DLGAP1: variants seen among roughly 807,000 people sequenced by gnomAD.
DLGAP1 encodes DLG associated protein 1, also known as disks large-associated protein 1.
A neutral mutation model predicts 90.8 loss-of-function variants in DLGAP1; 11 were observed. The observed-to-expected ratio is 0.12, with a 90% confidence interval of 0.08 to 0.20. The LOEUF (loss-of-function observed/expected upper bound fraction) is 0.20, where lower values mean the gene tolerates loss of function less well. Ranked by LOEUF, DLGAP1 falls within the 10% of genes least tolerant of loss-of-function variation. DLGAP1 has a pLI of 1.00. For missense variants in DLGAP1, 1,050 were observed against 1,333.8 expected (o/e 0.79, Z 3.31); for synonymous variants, 558 against 540.7 (o/e 1.03, Z -0.44).
intron 3 of DLGAP1, chr18:3,894,871 T>C (rs1290009194): frequency 6.6e-6 from 1 of 152,252 alleles, no homozygotes; most frequent in Non-Finnish European, 1.5e-5. Flanking sequence ...ACTATTCAGA[T>C]GTTGGCCAGA....
At chr18:3,522,749 G>A (rs1411849438) in intron 10 of DLGAP1, among the ~76,000 whole-genome samples, 1 of 151,778 alleles carries the variant, frequency 6.6e-6, no homozygotes, top group Non-Finnish European at 1.5e-5. Flanking sequence ...CACCATGTTG[G>A]CCAGGTTGGT....
At chr18:4,250,466 C>CTAT (rs1353012787) in intron 1 of DLGAP1, among the ~76,000 whole-genome samples, 1 of 152,162 alleles carries the variant, frequency 6.6e-6, no homozygotes, top group East Asian at 1.9e-4. Context: ...TTGAAGATCA[C>CTAT]TATTAAAGAT....
At chr18:4,339,444 A>ATGTTTT (rs2081142924) in intron 1 of DLGAP1, among the ~76,000 whole-genome samples, 3 of 152,168 alleles carry the variant, frequency 2.0e-5, no homozygotes, top group Non-Finnish European at 4.4e-5. Context: ...TATGCAACAA[A>ATGTTTT]CCTGCACATC....
intron 5 of DLGAP1, among the ~76,000 whole-genome samples, chr18:3,761,490 C>T (rs1202896181): frequency 6.6e-6 from 1 of 152,142 alleles, no homozygotes; most frequent in Admixed American, 6.5e-5. Context: ...CATAGATGAA[C>T]ACTTGGGTTG....
At chr18:3,945,919 A>T (rs1320861195) in intron 3 of DLGAP1, among the ~76,000 whole-genome samples, 2 of 152,242 alleles carry the variant, frequency 1.3e-5, no homozygotes, top group East Asian at 3.8e-4. Flanking sequence ...CATAATTCAG[A>T]ATCTGTCGAT....
intron 2 of DLGAP1, among the ~76,000 whole-genome samples, chr18:4,055,696 A>G (rs8086332): frequency 1 from 152,212 of 152,268 alleles, 76,078 homozygotes; most frequent in Middle Eastern, 1. Context: ...TCTGTGGTGT[A>G]CCCTGGGAGC....
chr18:4,171,598 T>C (rs1298869652), intron 1 of DLGAP1, among the ~76,000 whole-genome samples: 2 of 151,692 alleles, frequency 1.3e-5, no homozygotes, highest in Non-Finnish European at 2.9e-5. Context: ...AAAGTATCTT[T>C]AGGAGGCGAA....
chr18:3,958,460 CAAA>C (rs71160925), intron 3 of DLGAP1, among the ~76,000 whole-genome samples: 16 of 97,162 alleles, frequency 1.6e-4, no homozygotes, highest in Non-Finnish European at 1.7e-4. Context: ...TTAGGATAAG[CAAA>C]AAAAAAAAAA....
At chr18:4,073,277 G>A (rs527831217) in intron 2 of DLGAP1, among the ~76,000 whole-genome samples, 11 of 152,124 alleles carry the variant, frequency 7.2e-5, no homozygotes, top group East Asian at 1.9e-4. Flanking sequence ...GCAGGGCTTC[G>A]TAAATCCCAG....
At chr18:3,655,808 C>T (rs1270116176) in intron 7 of DLGAP1, 1 of 396,530 alleles carries the variant, frequency 2.5e-6, no homozygotes. Flanking sequence ...AGAGCCCAGG[C>T]TCGCTGACGA....
chr18:3,626,042 TC>T (rs1337011186), intron 7 of DLGAP1, among the ~76,000 whole-genome samples: 1 of 152,184 alleles, frequency 6.6e-6, no homozygotes, highest in Non-Finnish European at 1.5e-5. Context: ...ACACCTGTAA[TC>T]CCAGCATTTT....
intron 7 of DLGAP1, among the ~76,000 whole-genome samples, chr18:3,670,500 T>A (rs547155490): frequency 8.6e-4 from 131 of 152,330 alleles, no homozygotes; most frequent in Non-Finnish European, 1.6e-3. Flanking sequence ...TTTTGGTAAT[T>A]GTCAGCTAAA....
At position 4,039,277 on chromosome 18, in the gene DLGAP1, T is replaced by C. The variant is rs573843329; in HGVS notation, c.-158-34076A>G. Among the ~76,000 whole-genome samples the C allele has an allele frequency of 3.9e-5, 6 of 152,320 alleles. No homozygotes were observed. The East Asian group carries it at 1.2e-3, about 29-fold the overall frequency. On this transcript the variant is annotated intron_variant, in intron 2 of 12. Coordinates refer to ENST00000315677, the MANE Select transcript of DLGAP1 (RefSeq NM_004746.4). ...CTCTGACCCAGGCCCCACTATCCTC[T>C]GTACAGCCTGACACAGAACCTTCCC...
chr18:3,688,366 C>T (rs996189259), intron 7 of DLGAP1, among the ~76,000 whole-genome samples: 3 of 151,800 alleles, frequency 2.0e-5, no homozygotes, highest in Non-Finnish European at 4.4e-5. Flanking sequence ...GAAATCCAGC[C>T]CTCTAAAGGG....
intron 1 of DLGAP1, among the ~76,000 whole-genome samples, chr18:4,363,563 AAAAC>A (rs1256310046): frequency 3.3e-5 from 5 of 152,338 alleles, no homozygotes; most frequent in East Asian, 3.9e-4. Flanking sequence ...TTACAAGAAA[AAAAC>A]AAACAACCCC....
chr18:3,704,462 C>T (rs945800340), intron 7 of DLGAP1, among the ~76,000 whole-genome samples: 2 of 151,746 alleles, frequency 1.3e-5, no homozygotes, highest in Admixed American at 6.6e-5. Flanking sequence ...CCCAGCTACT[C>T]GGGAGGCTGA....
intron 7 of DLGAP1, among the ~76,000 whole-genome samples, chr18:3,622,949 C>CA (rs1488223198): frequency 6.6e-6 from 1 of 152,204 alleles, no homozygotes; most frequent in East Asian, 1.9e-4. Context: ...GGACTACAGG[C>CA]ATGTGCCACC....
intron 7 of DLGAP1, among the ~76,000 whole-genome samples, chr18:3,658,577 T>TATAC (rs2059578891): frequency 6.6e-6 from 1 of 152,242 alleles, no homozygotes; most frequent in African/African-American, 2.4e-5. Context: ...AAAAATAAAC[T>TATAC]ATACATACAT....
At position 4,023,622 on chromosome 18, in the gene DLGAP1, G is replaced by A. The variant is rs968213782; in HGVS notation, c.-158-18421C>T. 6.6e-5 allele frequency among the ~76,000 whole-genome samples: 10 copies of A among 152,190 alleles called. No homozygotes were observed. The South Asian group carries it at 1.5e-3, about 22-fold the overall frequency. On this transcript the variant is annotated intron_variant, in intron 2 of 12. Transcript: ENST00000315677. Reference sequence around the variant, plus strand: ...CAATAAGCTTATTTTTTTTCAAAATGTTCCAGTTTAATTTAAATTGGTCTT... The same window carrying A: ...CAATAAGCTTATTTTTTTTCAAAATATTCCAGTTTAATTTAAATTGGTCTT...
Sources: gnomAD v4.1 joint callset for allele counts (sites outside exome capture counted in the v4.1 genomes callset) on GRCh38, gnomAD v4.1.1 for gene constraint, MANE v1.5 for transcripts, NCBI Gene and HGNC (gene_info 2026-07-23, HGNC 2026-07-21) for gene names.